KREMEN1: variants seen among roughly 807,000 people sequenced by gnomAD.
KREMEN1 encodes kringle containing transmembrane protein 1.
A neutral mutation model predicts 46.5 loss-of-function variants in KREMEN1; 30 were observed. The ratio of observed to expected loss-of-function variants is 0.65; its 90% CI spans 0.48 to 0.88. The LOEUF is 0.88. KREMEN1 is among the 40% of genes least tolerant of loss of function. The probability of loss-of-function intolerance (pLI) is 0.00; values close to 1 mark genes in which losing one functional copy is unlikely to be tolerated. For synonymous variants in KREMEN1, 214 were observed against 230.6 expected (o/e 0.93, Z 0.65); for missense variants, 533 against 596.9 (o/e 0.89, Z 1.11).
At chr22:29,131,865 CTTTTTTTTTTTT>C (rs71196633) in intron 5 of KREMEN1, among the ~76,000 whole-genome samples, 12 of 45,826 alleles carry the variant, frequency 2.6e-4, no homozygotes, top group Admixed American at 6.6e-4. Context: ...TAGAATAATG[CTTTTTTTTTTTT>C]TTTTTTTTTT....
intron 1 of KREMEN1, among the ~76,000 whole-genome samples, chr22:29,074,443 G>A (rs1242031876): frequency 6.6e-6 from 1 of 152,260 alleles, no homozygotes; most frequent in Non-Finnish European, 1.5e-5. Flanking sequence ...GTCTTCCCGA[G>A]GTGAGGCCCT....
In KREMEN1 at chr22:29,140,340, A is replaced by C; in HGVS notation, c.1182A>C (p.Ala394=). 6.2e-7 allele frequency: 1 copy of C among 1,614,106 alleles called. No individual in the cohort carries two copies. Among genetic ancestry groups the C allele is most frequent in the African/African-American group, 1.3e-5 (1 of 75,062 alleles). The change falls in exon 8 of 9, where the codon GCA becomes GCC. Residue 394 remains alanine (A), a synonymous_variant. Coordinates refer to ENST00000400335, the MANE Select transcript of KREMEN1 (RefSeq NM_001039570.3). ...LLILTVTAIV[A]KILLHVTFKS... ...TCCTCACAGTCACAGCCATTGTAGC[A>C]AAGATACTTCTGCACGTCACATTCA...
At chr22:29,111,408 C>T (rs918798091) in intron 3 of KREMEN1, among the ~76,000 whole-genome samples, 4 of 151,256 alleles carry the variant, frequency 2.6e-5, no homozygotes, top group African/African-American at 9.7e-5. Context: ...GTCAGGAGAT[C>T]GAGACCATCC....
chr22:29,079,136 A>G (rs134607), intron 1 of KREMEN1, among the ~76,000 whole-genome samples: 97,698 of 152,092 alleles, frequency 0.64, 31,591 homozygotes, highest in Middle Eastern at 0.78. Flanking sequence ...GGCCATCGCA[A>G]AAAAATGTCA....
intron 9 of KREMEN1, among the ~76,000 whole-genome samples, chr22:29,156,231 C>T (rs1178867568): frequency 6.6e-6 from 1 of 152,268 alleles, no homozygotes; most frequent in African/African-American, 2.4e-5. Flanking sequence ...CCTCCCAGTG[C>T]AGGGAGTCTC....
At chr22:29,106,369 C>T (rs942472019) in intron 3 of KREMEN1, among the ~76,000 whole-genome samples, 7 of 151,742 alleles carry the variant, frequency 4.6e-5, no homozygotes, top group African/African-American at 9.7e-5. Flanking sequence ...TCCAGGCGCC[C>T]GCCATCACGC....
chr22:29,097,534 C>T (rs1469328568), intron 2 of KREMEN1, among the ~76,000 whole-genome samples: 1 of 152,224 alleles, frequency 6.6e-6, no homozygotes, highest in Non-Finnish European at 1.5e-5. Context: ...GAAGGAATAG[C>T]ACCCATTTCT....
chr22:29,136,302 G>A (rs139589500), intron 5 of KREMEN1, among the ~76,000 whole-genome samples: 1,680 of 151,590 alleles, frequency 0.011, 27 homozygotes, highest in African/African-American at 0.039. Context: ...GGCCGGGTGC[G>A]GTGGCACATG....
In KREMEN1 at chr22:29,141,995, G is replaced by A. The variant is rs749373689; in HGVS notation, c.1260G>A (p.Gly420=). The A allele has an allele frequency of 6.2e-7, 1 of 1,613,258 alleles. No homozygotes were observed. Among genetic ancestry groups the A allele is most frequent in the Admixed American group, 1.7e-5 (1 of 59,920 alleles). Residue 420 remains glycine (G), a synonymous_variant, in exon 9 of 9, where the codon GGG becomes GGA. Transcript: ENST00000400335. The part of the protein sequence containing the change: ...SGDLRDCHQP[G]TSGEIWSIFY... Reference sequence around the variant, plus strand: ...ACCTTAGGGATTGTCATCAACCAGGGACTTCGGGGGAAATCTGGAGCATTT... The same window carrying A: ...ACCTTAGGGATTGTCATCAACCAGGAACTTCGGGGGAAATCTGGAGCATTT...
downstream of KREMEN1, chr22:29,146,874 A>G (rs77316059): frequency 4.8e-3 from 3,944 of 822,938 alleles, 108 homozygotes; most frequent in African/African-American, 0.064. Flanking sequence ...AGCGTGGGAC[A>G]AGCGGAGGGT....
chr22:29,163,544 T>G (rs904188529), intron 9 of KREMEN1, among the ~76,000 whole-genome samples: 1 of 151,860 alleles, frequency 6.6e-6, no homozygotes, highest in Non-Finnish European at 1.5e-5. Flanking sequence ...GCCCAGCTAA[T>G]TTTTGTATTT....
In KREMEN1 at chr22:29,143,753, A is replaced by C. The variant is rs1456533061; in HGVS notation, c.*1641A>C. 4 of 985,536 alleles carry C rather than the reference A, an allele frequency of 4.1e-6. No individual in the cohort carries two copies. Among genetic ancestry groups the C allele is most frequent in the Non-Finnish European group, 4.8e-6 (4 of 830,300 alleles). 61.0% of individuals were successfully genotyped at this position (985,536 alleles called of 1,614,324 possible). On this transcript the variant is annotated 3_prime_UTR_variant, in exon 9 of 9. Coordinates refer to ENST00000400335, the MANE Select transcript of KREMEN1 (RefSeq NM_001039570.3). ...CAAGACTCTGTCTCAAAAAAAAAAAAAACACTCCAAGGGCCATCCGTGCTC... is the reference window on the plus strand; with the variant it reads ...CAAGACTCTGTCTCAAAAAAAAAAACAACACTCCAAGGGCCATCCGTGCTC...
intron 3 of KREMEN1, among the ~76,000 whole-genome samples, chr22:29,114,453 T>G (rs2038202401): frequency 7.9e-6 from 1 of 125,812 alleles, no homozygotes; most frequent in Non-Finnish European, 1.6e-5. Context: ...ACCATTGTAC[T>G]CCAGCCTGTG....
chr22:29,073,188 G>T lies in KREMEN1; in HGVS notation c.58G>T (p.Ala20Ser). Residue 20 changes from alanine to serine, a missense_variant, in exon 1 of 9, where the codon GCC becomes TCC. Physicochemically the swap from Ala to Ser is moderately conservative, Grantham distance 99. Transcript: ENST00000400335. The surrounding 1 kb of genome is among the most constrained non-coding windows in gnomAD (Gnocchi z 4.4). Reference protein sequence around the residue: ...LLSAAALTLAARPAPSPGLGP... With the variant: ...LLSAAALTLASRPAPSPGLGP... ...CTCCGCCGCGGCGCTCACGCTGGCG[G>T]CCCGGCCCGCGCCTAGCCCCGGCCT... 2 of 1,189,328 alleles carry T rather than the reference G, an allele frequency of 1.7e-6. No homozygotes were observed. The highest frequency in any genetic ancestry group is 2.1e-6 in the Non-Finnish European group (2 of 962,602). 73.7% of individuals were successfully genotyped at this position (1,189,328 alleles called of 1,614,324 possible).
At chr22:29,094,214 A>G (rs753523140) in intron 1 of KREMEN1, 44 bp from the exon 2 acceptor site, 3 of 1,536,792 alleles carry the variant, frequency 2.0e-6, no homozygotes, top group South Asian at 2.4e-5. Flanking sequence ...GAAACCATGA[A>G]TGTTGCCAGA....
intron 3 of KREMEN1, among the ~76,000 whole-genome samples, chr22:29,114,532 A>G (rs973896200): frequency 2.6e-5 from 4 of 151,096 alleles, no homozygotes; most frequent in African/African-American, 9.8e-5. Context: ...TCAGAGCTAC[A>G]TCTCCCTCTG....
At chr22:29,082,673 A>G (rs921157652) in intron 1 of KREMEN1, among the ~76,000 whole-genome samples, 1 of 152,172 alleles carries the variant, frequency 6.6e-6, no homozygotes, top group South Asian at 2.1e-4. Flanking sequence ...CTCACAGGCT[A>G]TTGGAAACAG....
intron 3 of KREMEN1, among the ~76,000 whole-genome samples, chr22:29,117,540 C>G (rs2038262284): frequency 6.7e-6 from 1 of 150,320 alleles, no homozygotes; most frequent in African/African-American, 2.4e-5. Context: ...GCACTCCAGC[C>G]TGGGCAACAG....
chr22:29,131,658 A>ATATGTATATATATGTGTG (rs1194602362), intron 5 of KREMEN1, among the ~76,000 whole-genome samples: 2 of 103,592 alleles, frequency 1.9e-5, no homozygotes, highest in African/African-American at 7.6e-5. Context: ...ATATATGTAT[A>ATATGTATATATATGTGTG]TATATACATG....
Sources: gnomAD v4.1 joint callset for allele counts (sites outside exome capture counted in the v4.1 genomes callset) on GRCh38, gnomAD v4.1.1 for gene constraint, Gnocchi (gnomAD v3.1) non-coding constraint, MANE v1.5 for transcripts, NCBI Gene and HGNC (gene_info 2026-07-23, HGNC 2026-07-21) for gene names.